Variants in TONSL observed in about 807,000 individuals in gnomAD.
TONSL encodes tonsoku-like protein.
TONSL carries 112 observed loss-of-function variants against 147.1 expected under a neutral mutation model. The observed-to-expected ratio is 0.76, with a 90% CI of 0.65 to 0.89. The LOEUF is 0.89. Ranked by LOEUF, TONSL falls within the 40% of genes least tolerant of loss-of-function variation. The pLI is 0.00. For synonymous variants in TONSL, 868 were observed against 801.5 expected (o/e 1.08, Z -1.40); for missense variants, 1,883 against 1,864.6 (o/e 1.01, Z -0.18).
chr8:144,435,212 C>T (rs200358045), intron 18 of TONSL, 42 bp from the exon 19 acceptor site: 37 of 1,453,164 alleles, frequency 2.5e-5, no homozygotes, highest in African/African-American at 2.4e-4. Context: ...TGCACACAGC[C>T]GGGGTAATGC....
At position 144,435,748 on chromosome 8, in the gene TONSL, G is replaced by C. The variant is rs139119701; in HGVS notation, c.2685C>G (p.Pro895=). The change falls in exon 17 of 26, where the codon CCC becomes CCG. Residue 895 remains proline (P), a synonymous_variant. Transcript: ENST00000409379. The part of the protein sequence containing the change: ...QSCSAPVNAG[P]SSLASEPPGS... ...CTGGAGGTTCTGAAGCCAGGCTGCT[G>C]GGCCCTGCGTTAACTGGCGCACTGC... 59 of 1,612,720 alleles carry C rather than the reference G, an allele frequency of 3.7e-5. No homozygotes were observed. The highest frequency in any genetic ancestry group is 5.0e-5 in the Non-Finnish European group (59 of 1,179,926).
intron 20 of TONSL, 40 bp from the exon 21 acceptor site, chr8:144,434,319 C>G (rs1554879422): frequency 6.8e-7 from 1 of 1,459,876 alleles, no homozygotes; most frequent in East Asian, 2.5e-5. Context: ...AAGGCCGGCC[C>G]TTTCTGCCCT....
rs1244601617 is a variant in TONSL, at chr8:144,441,075, T to C, written c.902A>G (p.Glu301Gly). The change falls in exon 8 of 26, where the codon GAG becomes GGG. Residue 301 changes from glutamate (E) to glycine (G), a missense_variant. Transcript: ENST00000409379. ...ACCCTGAGGGTCTCTGCCCTCAGCC[T>C]CTTCCAGCTGTTGCTGCAGCCGGAC... Reference protein sequence around the residue: ...AVVRLQQQLEEAEGRDPQGAM... With the variant: ...AVVRLQQQLEGAEGRDPQGAM... The C allele has an allele frequency of 1.2e-6, 2 of 1,612,856 alleles. No individual in the cohort carries two copies. Among genetic ancestry groups the C allele is most frequent in the Admixed American group, 1.7e-5 (1 of 60,032 alleles).
chr8:144,438,800 T>C, intron 11 of TONSL, 65 bp from the exon 12 acceptor site: 1 of 1,518,000 alleles, frequency 6.6e-7, no homozygotes, highest in Non-Finnish European at 9.0e-7. Flanking sequence ...GCCCCCACCC[T>C]GCTGCAAGCT....
intron 2 of TONSL, 37 bp downstream of exon 2, chr8:144,444,143 C>A (rs1823823152): frequency 8.0e-6 from 11 of 1,372,458 alleles, no homozygotes; most frequent in Non-Finnish European, 9.4e-6. Flanking sequence ...GGCCCGGGCC[C>A]CGGCCCTGCC....
At chr8:144,444,356 C>A in intron 1 of TONSL, 34 bp downstream of exon 1, 1 of 1,285,944 alleles carries the variant, frequency 7.8e-7, no homozygotes. Context: ...CCAGCCTCCG[C>A]GCCCCCGGAG....
chr8:144,443,606 C>T (rs1564735091), intron 3 of TONSL, among the ~76,000 whole-genome samples: 1 of 152,210 alleles, frequency 6.6e-6, no homozygotes, highest in Non-Finnish European at 1.5e-5. Flanking sequence ...TCAGGGAGAG[C>T]TTTTGGGATG....
At chr8:144,437,171 A>C in intron 13 of TONSL, 72 bp from the exon 14 acceptor site, 1 of 1,480,822 alleles carries the variant, frequency 6.8e-7, no homozygotes. Flanking sequence ...TGAGCTCTGC[A>C]GCCTAAGCTG....
In TONSL at chr8:144,437,136, A is replaced by C. The variant is rs549234205; in HGVS notation, c.1654-37T>G. ...GACAGGAAGGAGCCTGGCCCTGTGTACCTCACAGCCTGGCCCCAGCCCCGT... is the reference window on the plus strand; with the variant it reads ...GACAGGAAGGAGCCTGGCCCTGTGTCCCTCACAGCCTGGCCCCAGCCCCGT... On this transcript the variant is annotated intron_variant, in intron 13 of 25. Coordinates refer to ENST00000409379, the MANE Select transcript of TONSL (RefSeq NM_013432.5). 10 of 1,598,156 alleles carry C rather than the reference A, an allele frequency of 6.3e-6. No individual in the cohort carries two copies. The East Asian group carries it at 2.0e-4, about 32-fold the overall frequency.
chr8:144,439,908 CCTGT>C (rs1020227817), intron 11 of TONSL, 109 bp downstream of exon 11: 2 of 628,288 alleles, frequency 3.2e-6, no homozygotes, highest in African/African-American at 3.7e-5. Context: ...GTCCTGCCTG[CCTGT>C]GGCTGTTCCT....
chr8:144,442,658 G>T lies in TONSL; in HGVS notation c.578+19C>A, dbSNP rs1321429925. The T allele has an allele frequency of 1.1e-5, 18 of 1,608,362 alleles. No homozygotes were observed. The East Asian group carries it at 3.8e-4, about 34-fold the overall frequency. ...GAACAAGGGACTCCACTCCCTCCTG[G>T]GGCGGGGCAGGGCCTTACTCCGCAA... On this transcript the variant is annotated intron_variant, in intron 5 of 25. Transcript: ENST00000409379.
At chr8:144,439,149 G>A (rs996140047) in intron 11 of TONSL, among the ~76,000 whole-genome samples, 1 of 151,992 alleles carries the variant, frequency 6.6e-6, no homozygotes, top group African/African-American at 2.4e-5. Context: ...GTCAGGCCAG[G>A]TCAGCCCTGG....
In TONSL at chr8:144,433,597, CA is replaced by C. The variant is rs782201765; in HGVS notation, c.3549del (p.Ser1183ArgfsTer9). On this transcript the variant is annotated frameshift_variant, in exon 22 of 26. Coordinates refer to ENST00000409379, the MANE Select transcript of TONSL (RefSeq NM_013432.5). LOFTEE classifies it high-confidence loss of function. ...TGCCTGGTCAGCTCACCTTGGAAAG[CA>C]CTACCCAGTGCTGTCTGGTGGCTCA... The part of the protein sequence containing the change: ...FFLSHQTALG[S>X]AFQDAEHLKT... The C allele has an allele frequency of 5.5e-5, 89 of 1,613,268 alleles. No homozygotes were observed. The highest frequency in any genetic ancestry group is 7.2e-5 in the Non-Finnish European group (85 of 1,179,926).
At chr8:144,435,220 T>C in intron 18 of TONSL, 50 bp from the exon 19 acceptor site, 1 of 1,447,640 alleles carries the variant, frequency 6.9e-7, no homozygotes, top group Non-Finnish European at 9.1e-7. Flanking sequence ...GCCGGGGTAA[T>C]GCCCCAGGGA....
chr8:144,436,381 G>C lies in TONSL; in HGVS notation c.2052C>G (p.Ser684Arg), dbSNP rs781352192. The C allele has an allele frequency of 6.7e-7, 1 of 1,503,182 alleles. No individual in the cohort carries two copies. Among genetic ancestry groups the C allele is most frequent in the South Asian group, 1.3e-5 (1 of 75,956 alleles). The allele number at this position is 1,503,182 out of a possible 1,614,324, so 93.1% of individuals were successfully genotyped here. Residue 684 changes from serine (S) to arginine (R), a missense_variant, in exon 17 of 26, where the codon AGC becomes AGG. Physicochemically the swap from Ser to Arg is moderately radical, Grantham distance 110. Coordinates refer to ENST00000409379, the MANE Select transcript of TONSL (RefSeq NM_013432.5). Reference sequence around the variant, plus strand: ...GAGAGGTCTCGGGGTCAAACAGAAGGCTGCTTGGGGTGTGGAAGGCCTGGG... The same window carrying C: ...GAGAGGTCTCGGGGTCAAACAGAAGCCTGCTTGGGGTGTGGAAGGCCTGGG... ...HSSQAFHTPS[S>R]LLFDPETSPP...
Position 144,442,367 on chromosome 8 carries a change from C to A in TONSL, c.624G>T (p.Leu208=). ...GGCCCGCGCGCCAGTGGATGGTGCC[C>A]AGGTTGTAGCGGGCGCGGAATAGGT... ...YEDLFRARYN[L]GTIHWRAGQH... is the part of the protein sequence containing the mutation. Residue 208 remains leucine, a synonymous_variant, in exon 6 of 26, where the codon CTG becomes CTT. Transcript: ENST00000409379. 1 of 1,582,116 alleles carries A rather than the reference C, an allele frequency of 6.3e-7. No individual in the cohort carries two copies.
Position 144,428,930 on chromosome 8 carries a change from C to T in TONSL, c.*213G>A. The T allele has an allele frequency of 2.0e-6, 1 of 502,312 alleles. No individual in the cohort carries two copies. Among genetic ancestry groups the T allele is most frequent in the Non-Finnish European group, 3.4e-6 (1 of 294,396 alleles). 31.1% of individuals were successfully genotyped at this position (502,312 alleles called of 1,614,324 possible). A position where few individuals can be genotyped will look rare whatever the true frequency, so the allele number is the denominator to read the frequency against. On this transcript the variant is annotated 3_prime_UTR_variant, in exon 26 of 26. Transcript: ENST00000409379. Reference sequence around the variant, plus strand: ...TCAGCCTCCGGAGTAGCTGGGACTACAGGCTTCCACCACCACGCCCGGCTA... The same window carrying T: ...TCAGCCTCCGGAGTAGCTGGGACTATAGGCTTCCACCACCACGCCCGGCTA...
chr8:144,439,839 C>T (rs949440784), intron 11 of TONSL, 182 bp downstream of exon 11: 17 of 555,942 alleles, frequency 3.1e-5, no homozygotes, highest in African/African-American at 2.1e-4. Flanking sequence ...AGGCCAAGGC[C>T]GCCCCAGGCT....
rs2229314 is a variant in TONSL, at chr8:144,440,039, C to T, written c.1462G>A (p.Val488Met). 3.7e-3 allele frequency: 5,263 copies of T among 1,404,268 alleles called. 186 individuals are homozygous for T. The African/African-American group carries it at 0.066, about 18-fold the overall frequency. 87.0% of individuals were successfully genotyped at this position (1,404,268 alleles called of 1,614,324 possible). The change falls in exon 11 of 26, where the codon GTG becomes ATG. Residue 488 changes from valine to methionine, a missense_variant. Physicochemically the swap from Val to Met is conservative, Grantham distance 21. Coordinates refer to ENST00000409379, the MANE Select transcript of TONSL (RefSeq NM_013432.5). Reference protein sequence around the residue: ...AESEALEAGEVELSEGEDDTD... With the variant: ...AESEALEAGEMELSEGEDDTD... ...CCCTCACCGCCCTCTGAGAGCTCCA[C>T]CTCGCCGGCCTCCAGGGCTTCGCTC...
Sources: allele counts gnomAD v4.1 joint callset (sites outside exome capture counted in the v4.1 genomes callset), GRCh38; gene constraint gnomAD v4.1.1; transcripts MANE v1.5; gene names NCBI Gene and HGNC (gene_info 2026-07-23, HGNC 2026-07-21).